CSMD1: variants seen among roughly 807,000 people sequenced by gnomAD.
CSMD1 encodes CUB and sushi domain-containing protein 1.
In CSMD1, 213 loss-of-function variants were observed where a neutral mutation model predicts 417.5. The observed-to-expected ratio is 0.51, with a 90% confidence interval of 0.46 to 0.57. CSMD1 has a LOEUF of 0.57. CSMD1 is among the 20% of genes least tolerant of loss of function. The pLI is 0.00. For synonymous variants in CSMD1, 2,862 were observed against 1,736.8 expected (o/e 1.65, Z -16.11); for missense variants, 6,923 against 4,529.7 (o/e 1.53, Z -15.17).
intron 1 of CSMD1, among the ~76,000 whole-genome samples, chr8:4,645,206 G>T (rs1187984964): frequency 6.6e-6 from 1 of 151,932 alleles, no homozygotes; most frequent in African/African-American, 2.4e-5. Context: ...TTTCCTTCTA[G>T]ACAGGGGTCA....
chr8:3,500,494 G>A (rs766601502), intron 10 of CSMD1, among the ~76,000 whole-genome samples: 8 of 152,152 alleles, frequency 5.3e-5, no homozygotes, highest in Non-Finnish European at 1.0e-4. Context: ...AGTATCAAAG[G>A]AAGGCACGTG....
chr8:4,937,150 C>A lies in CSMD1; in HGVS notation c.85+57182G>T, dbSNP rs762802149. Among the ~76,000 whole-genome samples, 7 of 152,148 alleles carry A rather than the reference C, an allele frequency of 4.6e-5. No individual in the cohort carries two copies. The East Asian group carries it at 1.4e-3, about 29-fold the overall frequency. ...ACTGCTTGGGCCCAGGAGCTCAAGG[C>A]TGCAGTGAGCTCTGATCCTGAGACT... is the stretch of plus-strand genomic sequence containing the variant. On this transcript the variant is annotated intron_variant, in intron 1 of 69. Coordinates refer to ENST00000635120, the MANE Select transcript of CSMD1 (RefSeq NM_033225.6).
At chr8:4,365,348 C>G (rs1004480259) in intron 3 of CSMD1, among the ~76,000 whole-genome samples, 17 of 152,158 alleles carry the variant, frequency 1.1e-4, no homozygotes, top group Admixed American at 6.5e-4. Context: ...CTAAGATTAT[C>G]AAAATCATGC....
At chr8:4,763,224 T>G (rs180680753) in intron 1 of CSMD1, among the ~76,000 whole-genome samples, 1 of 152,324 alleles carries the variant, frequency 6.6e-6, no homozygotes, top group Admixed American at 6.5e-5. Context: ...TATTCCGTGT[T>G]TTCTTTCTGA....
chr8:3,306,749 T>TAAAACTGATTTTAAAA (rs1391501992), intron 25 of CSMD1, among the ~76,000 whole-genome samples: 1 of 151,744 alleles, frequency 6.6e-6, no homozygotes, highest in Non-Finnish European at 1.5e-5. Context: ...GAACTAAAAA[T>TAAAACTGATTTTAAAA]AAAACTGATT....
intron 11 of CSMD1, among the ~76,000 whole-genome samples, chr8:3,471,437 T>C (rs939427057): frequency 6.6e-6 from 1 of 152,178 alleles, no homozygotes; most frequent in Admixed American, 6.5e-5. Context: ...TCCATAAGTA[T>C]TAGTTGCAGG....
chr8:4,517,072 T>G (rs565548721), intron 2 of CSMD1, among the ~76,000 whole-genome samples: 83 of 152,376 alleles, frequency 5.4e-4, no homozygotes, highest in Non-Finnish European at 9.7e-4. Context: ...TTACTGTGAA[T>G]GCAGAAATTT....
At chr8:4,216,659 CTG>C (rs1800690471) in intron 3 of CSMD1, among the ~76,000 whole-genome samples, 1 of 152,124 alleles carries the variant, frequency 6.6e-6, no homozygotes, top group Non-Finnish European at 1.5e-5. Flanking sequence ...TCGTAAATGA[CTG>C]AGTGAAGGGA....
At chr8:3,799,227 TAC>T (rs1025431158) in intron 5 of CSMD1, among the ~76,000 whole-genome samples, 8 of 151,864 alleles carry the variant, frequency 5.3e-5, no homozygotes, top group Admixed American at 1.3e-4. Flanking sequence ...CAACTGATTC[TAC>T]AGTTTTTTTT....
intron 15 of CSMD1, among the ~76,000 whole-genome samples, chr8:3,402,558 A>G (rs1812100658): frequency 6.6e-6 from 1 of 152,214 alleles, no homozygotes; most frequent in Admixed American, 6.5e-5. Flanking sequence ...CCTGGCATCC[A>G]GAAAATTCTG....
chr8:4,149,174 G>A (rs188165979), intron 3 of CSMD1, among the ~76,000 whole-genome samples: 1 of 152,152 alleles, frequency 6.6e-6, no homozygotes, highest in African/African-American at 2.4e-5. Context: ...ATGTTGGCTA[G>A]GCTGGTCTCG....
At chr8:4,217,901 T>C (rs901949244) in intron 3 of CSMD1, among the ~76,000 whole-genome samples, 1 of 152,108 alleles carries the variant, frequency 6.6e-6, no homozygotes, top group African/African-American at 2.4e-5. Flanking sequence ...CAGATGAGAC[T>C]ATGCAAAGAA....
rs33939239 is a variant in CSMD1, at chr8:3,520,020, C to CTATATATATATATATATATATATATATA, written c.1345-26295_1345-26294insTATATATATATATATATATATATATATA. 1.5e-3 allele frequency among the ~76,000 whole-genome samples: 208 copies of CTATATATATATATATATATATATATATA among 137,420 alleles called. 6 individuals are homozygous for CTATATATATATATATATATATATATATA. Among genetic ancestry groups the CTATATATATATATATATATATATATATA allele is most frequent in the African/African-American group, 6.0e-3 (203 of 33,714 alleles). 90.2% of individuals were successfully genotyped at this position (137,420 alleles called of 152,430 possible). A position where few individuals can be genotyped will look rare whatever the true frequency, so the allele number is the denominator to read the frequency against. On this transcript the variant is annotated intron_variant, in intron 10 of 69. Transcript: ENST00000635120. ...TATATATGTGTGTGTGTGTATATAC[C>CTATATATATATATATATATATATATATA]TATATATATATATATATATACACGT...
intron 5 of CSMD1, among the ~76,000 whole-genome samples, chr8:3,926,124 CACACACACTT>C (rs1465661328): frequency 7.7e-6 from 1 of 129,620 alleles, no homozygotes; most frequent in Non-Finnish European, 1.6e-5. Flanking sequence ...CACACACACA[CACACACACTT>C]GTGGTGTGTA....
chr8:3,118,725 T>C (rs901036955), intron 41 of CSMD1, 138 bp from the exon 42 acceptor site: 4 of 667,522 alleles, frequency 6.0e-6, no homozygotes, highest in Admixed American at 6.1e-5. Context: ...TTCTAAGTAG[T>C]CAGTTGCCAT....
chr8:4,592,192 G>A (rs1051365737), intron 2 of CSMD1, among the ~76,000 whole-genome samples: 1 of 151,096 alleles, frequency 6.6e-6, no homozygotes, highest in Non-Finnish European at 1.5e-5. Context: ...TAGATTTCAT[G>A]CTCCCAACAA....
At chr8:4,494,104 T>G (rs967551685) in intron 2 of CSMD1, among the ~76,000 whole-genome samples, 2 of 152,074 alleles carry the variant, frequency 1.3e-5, no homozygotes, top group Non-Finnish European at 2.9e-5. Context: ...AAGGGAGGTG[T>G]AGAAAAATGA....
chr8:4,136,867 CG>C (rs879700858), intron 3 of CSMD1, among the ~76,000 whole-genome samples: 1 of 152,164 alleles, frequency 6.6e-6, no homozygotes, highest in Admixed American at 6.5e-5. Context: ...TGATTATTTA[CG>C]AATTTCAGAG....
chr8:3,736,867 G>A (rs776252819), intron 6 of CSMD1, among the ~76,000 whole-genome samples: 1 of 152,190 alleles, frequency 6.6e-6, no homozygotes, highest in Non-Finnish European at 1.5e-5. Flanking sequence ...ATGGGTGAAA[G>A]CCATGCCTGG....
Sources: allele counts gnomAD v4.1 joint callset (sites outside exome capture counted in the v4.1 genomes callset), GRCh38; gene constraint gnomAD v4.1.1; transcripts MANE v1.5; gene names NCBI Gene and HGNC (gene_info 2026-07-23, HGNC 2026-07-21).